The following LRFN5 variants were observed in gnomAD, a reference collection of about 807,000 sequenced individuals.
LRFN5 encodes the protein leucine-rich repeat and fibronectin type-III domain-containing protein 5.
In LRFN5, 24 loss-of-function variants were observed where a neutral mutation model predicts 45.6. The observed-to-expected ratio is 0.53, with a 90% CI of 0.38 to 0.74. LRFN5 has a LOEUF of 0.74. Among genes scored for constraint, LRFN5 ranks in the 30% least tolerant of loss-of-function variants. LRFN5 has a pLI of 0.00. For synonymous variants in LRFN5, 340 were observed against 313.8 expected (o/e 1.08, Z -0.88); for missense variants, 776 against 861.5 (o/e 0.90, Z 1.24).
chr14:41,781,597 A>G lies in LRFN5; in HGVS notation c.-21+14568A>G, dbSNP rs534417801. ...GAAAGAAAGAAAGAAAGAAAGAAAG[A>G]AAGAAAGAAAGAAAGAAAGAGAAAG... is the stretch of plus-strand genomic sequence containing the variant. On this transcript the variant is annotated intron_variant, in intron 2 of 5. Transcript: ENST00000298119. 4.8e-4 allele frequency among the ~76,000 whole-genome samples: 48 copies of G among 99,186 alleles called. 2 individuals carry two copies. Among genetic ancestry groups the G allele is most frequent in the Non-Finnish European group, 8.9e-4 (44 of 49,246 alleles). 65.1% of individuals were successfully genotyped at this position (99,186 alleles called of 152,430 possible).
intron 1 of LRFN5, among the ~76,000 whole-genome samples, chr14:41,646,953 G>A (rs1879845638): frequency 6.6e-6 from 1 of 152,242 alleles, no homozygotes; most frequent in Admixed American, 6.5e-5. Context: ...CAAGGATGGA[G>A]AGTATTCAGA....
At chr14:41,876,307 G>A (rs1890185232) in intron 2 of LRFN5, among the ~76,000 whole-genome samples, 1 of 134,754 alleles carries the variant, frequency 7.4e-6, no homozygotes, top group Non-Finnish European at 1.6e-5. Flanking sequence ...TTGAGACGGA[G>A]TGTCGCTCTG....
At chr14:41,672,979 A>T (rs1881306466) in intron 1 of LRFN5, among the ~76,000 whole-genome samples, 1 of 126,120 alleles carries the variant, frequency 7.9e-6, no homozygotes, top group African/African-American at 3.0e-5. Flanking sequence ...CACCATGCTT[A>T]TGAAAGATCT....
chr14:41,876,084 AC>A (rs1166010935), intron 2 of LRFN5, among the ~76,000 whole-genome samples: 1 of 151,854 alleles, frequency 6.6e-6, no homozygotes, highest in African/African-American at 2.4e-5. Flanking sequence ...GTTTAATCTC[AC>A]CCCGACTATG....
At chr14:41,671,887 A>G (rs1476626423) in intron 1 of LRFN5, among the ~76,000 whole-genome samples, 1 of 152,060 alleles carries the variant, frequency 6.6e-6, no homozygotes, top group African/African-American at 2.4e-5. Context: ...CACAGTGCTG[A>G]AATTACAGAT....
chr14:41,730,616 A>G lies in LRFN5; in HGVS notation c.-196-36238A>G, dbSNP rs558320959. Among the ~76,000 whole-genome samples, 6 of 152,094 alleles carry G rather than the reference A, an allele frequency of 3.9e-5. 1 individual carries two copies. The highest frequency in any genetic ancestry group is 9.6e-5 in the African/African-American group (4 of 41,542). On this transcript the variant is annotated intron_variant, in intron 1 of 5. Transcript: ENST00000298119. Reference sequence around the variant, plus strand: ...TAATATCAGTTTTGTACGTTAACACATATTATATAATTTTCATTTTTAATG... The same window carrying G: ...TAATATCAGTTTTGTACGTTAACACGTATTATATAATTTTCATTTTTAATG...
intron 2 of LRFN5, among the ~76,000 whole-genome samples, chr14:41,855,457 T>C (rs554938667): frequency 1.3e-5 from 2 of 152,264 alleles, no homozygotes; most frequent in East Asian, 3.9e-4. Context: ...AGGTTGACAC[T>C]TTTTTCCTTC....
chr14:41,865,472 C>T (rs918096459), intron 2 of LRFN5, among the ~76,000 whole-genome samples: 6 of 152,034 alleles, frequency 3.9e-5, no homozygotes, highest in Non-Finnish European at 8.8e-5. Flanking sequence ...ATTCATCAGC[C>T]GATAGACATT....
At chr14:41,753,951 T>G (rs1276633198) in intron 1 of LRFN5, among the ~76,000 whole-genome samples, 9 of 152,194 alleles carry the variant, frequency 5.9e-5, no homozygotes, top group Admixed American at 5.9e-4. Context: ...AATACCTAAT[T>G]TATTGAGAGT....
chr14:41,740,829 A>C (rs1184149256), intron 1 of LRFN5, among the ~76,000 whole-genome samples: 1 of 152,038 alleles, frequency 6.6e-6, no homozygotes, highest in Non-Finnish European at 1.5e-5. Flanking sequence ...GAAAACCCTA[A>C]AGGCTTTATC....
At chr14:41,626,354 G>A (rs1566593455) in intron 1 of LRFN5, among the ~76,000 whole-genome samples, 1 of 152,082 alleles carries the variant, frequency 6.6e-6, no homozygotes, top group East Asian at 1.9e-4. Context: ...AAGAAATTTA[G>A]CAATCAAGCT....
intron 1 of LRFN5, among the ~76,000 whole-genome samples, chr14:41,659,517 T>A (rs1445824691): frequency 1.3e-5 from 2 of 152,154 alleles, no homozygotes; most frequent in Admixed American, 1.3e-4. Flanking sequence ...AACATATGGG[T>A]GCATGTGTCT....
intron 1 of LRFN5, among the ~76,000 whole-genome samples, chr14:41,738,379 A>G (rs2138813263): frequency 6.6e-6 from 1 of 152,310 alleles, no homozygotes; most frequent in Non-Finnish European, 1.5e-5. Flanking sequence ...GTAAGACCTA[A>G]AACCATAACA....
intron 2 of LRFN5, among the ~76,000 whole-genome samples, chr14:41,778,553 G>C (rs533861123): frequency 4.6e-5 from 7 of 151,700 alleles, no homozygotes; most frequent in African/African-American, 1.7e-4. Context: ...GTATTTTAGT[G>C]AATAATATTG....
chr14:41,896,308 T>C (rs1890938248), intron 4 of LRFN5, among the ~76,000 whole-genome samples: 1 of 152,082 alleles, frequency 6.6e-6, no homozygotes, highest in Non-Finnish European at 1.5e-5. Flanking sequence ...TTGGATTTTA[T>C]CATGCTAAGA....
intron 1 of LRFN5, among the ~76,000 whole-genome samples, chr14:41,755,823 T>G (rs558390707): frequency 7.2e-5 from 11 of 152,318 alleles, no homozygotes; most frequent in African/African-American, 2.2e-4. Flanking sequence ...GTTAGCTGGT[T>G]ATTTTGCTCA....
At chr14:41,830,789 C>A (rs137923474) in intron 2 of LRFN5, among the ~76,000 whole-genome samples, 1 of 152,198 alleles carries the variant, frequency 6.6e-6, no homozygotes, top group African/African-American at 2.4e-5. Flanking sequence ...CCTGGTGGGC[C>A]TGTTGGTCAG....
rs190741105 is a variant in LRFN5 at position 41,877,725 on chromosome 14, T to C, written c.-20-8881T>C. ...CATTAGGACTATGCAAATTTAAATA[T>C]CAAAGTATAATAAGTCAACATTTTC... On this transcript the variant is annotated intron_variant, in intron 2 of 5. Coordinates refer to ENST00000298119, the MANE Select transcript of LRFN5 (RefSeq NM_152447.5). Among the ~76,000 whole-genome samples the C allele has an allele frequency of 4.4e-3, 672 of 152,130 alleles. 4 individuals are homozygous for C. The highest frequency in any genetic ancestry group is 0.016 in the African/African-American group (648 of 41,512).
intron 1 of LRFN5, among the ~76,000 whole-genome samples, chr14:41,618,997 TATC>T (rs911973389): frequency 1.2e-4 from 19 of 152,124 alleles, no homozygotes; most frequent in Non-Finnish European, 4.4e-5. Context: ...CGTAGTGACT[TATC>T]ATTGTATTAG....
Sources: gnomAD v4.1 joint callset for allele counts (sites outside exome capture counted in the v4.1 genomes callset) on GRCh38, gnomAD v4.1.1 for gene constraint, MANE v1.5 for transcripts, NCBI Gene and HGNC (gene_info 2026-07-23, HGNC 2026-07-21) for gene names.